The following RNF212B variants were observed in gnomAD, a reference collection of about 807,000 sequenced individuals.
RNF212B encodes ring finger protein 212B, also known as E3 ubiquitin-protein ligase RNF212B.
RNF212B carries 52 observed loss-of-function variants against 55.5 expected under a neutral mutation model. The ratio of observed to expected loss-of-function variants is 0.94; its 90% CI spans 0.75 to 1.18. The LOEUF (loss-of-function observed/expected upper bound fraction) is 1.18. RNF212B is among the 50% of genes most tolerant of loss of function. The pLI is 0.00. For synonymous variants in RNF212B, 99 were observed against 121.4 expected, an observed-to-expected ratio of 0.82 and a Z score of 1.21; for missense variants, 289 against 350.4, an observed-to-expected ratio of 0.82 and a Z score of 1.40.
intron 2 of RNF212B, among the ~76,000 whole-genome samples, chr14:23,203,768 A>G (rs1879562436): frequency 1.3e-5 from 2 of 152,076 alleles, no homozygotes; most frequent in African/African-American, 4.8e-5. Context: ...ATGAGCCACC[A>G]TGGTAGGCCT....
intron 1 of RNF212B, among the ~76,000 whole-genome samples, chr14:23,185,781 C>T (rs185152651): frequency 0.02 from 3,036 of 152,244 alleles, 49 homozygotes; most frequent in Non-Finnish European, 0.029. Context: ...TGGCTTATTA[C>T]CATTGATTAC....
rs1566446114 is a variant in RNF212B at position 23,272,828 on chromosome 14, C to T, written c.840C>T (p.Leu280=). 1 of 1,548,174 alleles carries T rather than the reference C, an allele frequency of 6.5e-7. No homozygotes were observed. ...CTTCTTGTCCTCTGCTGCAGACTCT[C>T]TACCAACAACGGAGGCATATGGGAT... is the stretch of plus-strand genomic sequence containing the variant. ...PSFQLPVLQT[L]YQQRRHMGLP... is the part of the protein sequence containing the mutation. The change falls in exon 15 of 15, where the codon CTC becomes CTT. Residue 280 remains leucine, a synonymous_variant. Coordinates refer to ENST00000430154, the MANE Select transcript of RNF212B (RefSeq NM_001282322.3).
intron 4 of RNF212B, among the ~76,000 whole-genome samples, chr14:23,250,616 CTG>C (rs1466348770): frequency 6.6e-6 from 1 of 152,028 alleles, no homozygotes; most frequent in African/African-American, 2.4e-5. Flanking sequence ...TTCTACTAGA[CTG>C]TGATAAGCTA....
intron 12 of RNF212B, among the ~76,000 whole-genome samples, 170 bp from the exon 13 acceptor site, chr14:23,269,693 C>G (rs1885935629): frequency 6.6e-6 from 1 of 150,478 alleles, no homozygotes; most frequent in Admixed American, 6.6e-5. Context: ...ACCTGGGCAA[C>G]AGAGTGAGAC....
At chr14:23,257,348 TTAAAA>T (rs1884921640) in intron 4 of RNF212B, among the ~76,000 whole-genome samples, 1 of 150,716 alleles carries the variant, frequency 6.6e-6, no homozygotes, top group African/African-American at 2.5e-5. Flanking sequence ...TTTTCACAGC[TTAAAA>T]TAAACATTTT....
intron 2 of RNF212B, among the ~76,000 whole-genome samples, chr14:23,204,562 A>G (rs1366890060): frequency 6.6e-6 from 1 of 152,148 alleles, no homozygotes; most frequent in African/African-American, 2.4e-5. Flanking sequence ...TGGATTCTCT[A>G]TTCTGTTCCA....
At chr14:23,201,208 C>T (rs1289671787) in intron 2 of RNF212B, among the ~76,000 whole-genome samples, 2 of 152,166 alleles carry the variant, frequency 1.3e-5, no homozygotes. Flanking sequence ...TCTGATGTCA[C>T]AATCTCCAAA....
At chr14:23,238,764 T>TC (rs1566420276) in intron 1 of RNF212B, among the ~76,000 whole-genome samples, 40 of 146,104 alleles carry the variant, frequency 2.7e-4, no homozygotes, top group Middle Eastern at 7.2e-3. Flanking sequence ...ATAATAATAA[T>TC]AATAATAATA....
At chr14:23,263,078 G>A (rs1885418048) in intron 9 of RNF212B, 108 bp downstream of exon 9, 3 of 974,200 alleles carry the variant, frequency 3.1e-6, no homozygotes, top group African/African-American at 3.5e-5. Flanking sequence ...CTATGTAGAA[G>A]TTTAAAGCTA....
intron 2 of RNF212B, among the ~76,000 whole-genome samples, chr14:23,214,643 T>C (rs1404592190): frequency 2.6e-5 from 1 of 38,568 alleles, no homozygotes; most frequent in African/African-American, 2.2e-4. Context: ...GAATAAAGCA[T>C]AGGAAAGTCA....
At position 23,188,460 on chromosome 14, in the gene RNF212B, G is replaced by GTTTTTTTT. The variant is rs60659225; in HGVS notation, c.-79+2980_-79+2987dup. The GTTTTTTTT allele has an allele frequency of 9.5e-5, 13 of 136,502 alleles. 5 individuals are homozygous for GTTTTTTTT. The highest frequency in any genetic ancestry group is 8.2e-5 in the African/African-American group (3 of 36,790). 8.5% of individuals were successfully genotyped at this position (136,502 alleles called of 1,614,324 possible). A position where few individuals can be genotyped will look rare whatever the true frequency, so the allele number is the denominator to read the frequency against. The stretch of plus-strand genomic sequence containing the variant: ...TTCATTATGTTTGACAAAGATTAGG[G>GTTTTTTTT]TTTTTTTTTTTTTTTTTAGAGATAG... On this transcript the variant is annotated intron_variant, in intron 1 of 15. Transcript: ENST00000399910.
chr14:23,202,148 G>A (rs900842599), intron 2 of RNF212B, among the ~76,000 whole-genome samples: 1 of 151,622 alleles, frequency 6.6e-6, no homozygotes, highest in African/African-American at 2.4e-5. Flanking sequence ...CTATTCGGGA[G>A]TCTGAGGCAG....
At chr14:23,262,733 A>G (rs1195328799) in intron 8 of RNF212B, 22 bp downstream of exon 8, 1 of 1,548,038 alleles carries the variant, frequency 6.5e-7, no homozygotes, top group Admixed American at 2.0e-5. Flanking sequence ...TTTTCCCCTA[A>G]ATATCTGTGT....
intron 2 of RNF212B, among the ~76,000 whole-genome samples, chr14:23,232,888 A>G (rs1210488286): frequency 6.3e-5 from 7 of 110,962 alleles, no homozygotes; most frequent in South Asian, 7.0e-4. Context: ...CTGCCCGGCC[A>G]CCACCCCATC....
At position 23,208,274 on chromosome 14, in the gene RNF212B, C is replaced by G. The variant is rs578262463; in HGVS notation, c.-2+14873C>G. 3.3e-5 allele frequency among the ~76,000 whole-genome samples: 5 copies of G among 152,282 alleles called. No individual in the cohort carries two copies. The South Asian group carries it at 1.0e-3, about 32-fold the overall frequency. On this transcript the variant is annotated intron_variant, in intron 2 of 15. Coordinates refer to the RNF212B transcript ENST00000399910. The stretch of plus-strand genomic sequence containing the variant: ...TGGTGGCTCACACTTGTAATTCCAG[C>G]ACATTGGACGAGAAGATCACTGGAG...
intron 4 of RNF212B, among the ~76,000 whole-genome samples, chr14:23,256,688 T>C (rs1344879276): frequency 6.6e-6 from 1 of 152,144 alleles, no homozygotes; most frequent in African/African-American, 2.4e-5. Flanking sequence ...ATTCAAATTT[T>C]CTAAAATAAT....
chr14:23,270,038 C>A (rs1244627952), intron 13 of RNF212B, 78 bp downstream of exon 13: 5 of 856,494 alleles, frequency 5.8e-6, no homozygotes, highest in Non-Finnish European at 9.5e-6. Context: ...TTCAAGATGA[C>A]AAGATGTTGA....
At chr14:23,224,879 T>C (rs1881873013) in intron 2 of RNF212B, among the ~76,000 whole-genome samples, 1 of 152,126 alleles carries the variant, frequency 6.6e-6, no homozygotes, top group Admixed American at 6.6e-5. Context: ...ATAACTAGAC[T>C]ATATAAGGAG....
At chr14:23,189,751 T>C (rs1406289991) in intron 1 of RNF212B, among the ~76,000 whole-genome samples, 1 of 152,130 alleles carries the variant, frequency 6.6e-6, no homozygotes, top group Admixed American at 6.5e-5. Flanking sequence ...GGGGCTGCAG[T>C]GAGCCATGTT....
Sources: gnomAD v4.1 joint callset for allele counts (sites outside exome capture counted in the v4.1 genomes callset) on GRCh38, gnomAD v4.1.1 for gene constraint, MANE v1.5 for transcripts, NCBI Gene and HGNC (gene_info 2026-07-23, HGNC 2026-07-21) for gene names.